Variants in VPS13D observed in about 807,000 individuals in gnomAD.
The protein encoded by VPS13D is vacuolar protein sorting 13 homolog D, also known as intermembrane lipid transfer protein VPS13D.
In VPS13D, 187 loss-of-function variants were observed where a neutral mutation model predicts 461.9. That is an observed-to-expected ratio of 0.40 (90% CI 0.36 to 0.46). The LOEUF is 0.46. Among genes scored for constraint, VPS13D ranks in the 20% least tolerant of loss-of-function variants. The pLI is 0.60. For missense variants in VPS13D, 4,711 were observed against 5,364.9 expected (o/e 0.88, Z 3.81); for synonymous variants, 1,951 against 1,986.3 (o/e 0.98, Z 0.47).
chr1:12,485,364 G>A (rs1645784037), intron 67 of VPS13D, among the ~76,000 whole-genome samples: 1 of 152,332 alleles, frequency 6.6e-6, no homozygotes, highest in African/African-American at 2.4e-5. Flanking sequence ...CTGCACGGTG[G>A]TCTTGGCATC....
At chr1:12,467,320 C>A (rs539394346) in intron 67 of VPS13D, among the ~76,000 whole-genome samples, 18 of 152,260 alleles carry the variant, frequency 1.2e-4, no homozygotes, top group African/African-American at 4.3e-4. Flanking sequence ...GGCAGGCGCA[C>A]GCCACCTCGC....
Position 12,266,952 on chromosome 1 carries a change from T to C in VPS13D, c.1666T>C (p.Phe556Leu), listed in dbSNP as rs1373086419. 2.5e-6 allele frequency: 4 copies of C among 1,611,196 alleles called. No individual in the cohort carries two copies. Among genetic ancestry groups the C allele is most frequent in the Non-Finnish European group, 3.4e-6 (4 of 1,179,228 alleles). The change falls in exon 14 of 70, where the codon TTT (phenylalanine) becomes CTT (leucine). Residue 556 changes from phenylalanine to leucine, a missense_variant. By Grantham distance (22) the Phe-to-Leu change is conservative (BLOSUM62 0). Transcript: ENST00000620676. ...GCTTTCAGTCCGGTTGGGTGGACTG[T>C]TTCTTCGAGACCTGGCTACAGAAGG... ...SLLSVRLGGL[F>L]LRDLATEGTM...
chr1:12,305,294 A>G (rs1461035669), intron 26 of VPS13D, among the ~76,000 whole-genome samples: 3 of 151,888 alleles, frequency 2.0e-5, no homozygotes, highest in Non-Finnish European at 4.4e-5. Flanking sequence ...TTTCCCCTCA[A>G]GACAGGGTCT....
Position 12,510,961 on chromosome 1 carries a change from A to G in VPS13D, c.*1937A>G, listed in dbSNP as rs1646174846. On this transcript the variant is annotated 3_prime_UTR_variant, in exon 70 of 70. Transcript: ENST00000620676. ...CTCGGAAGGGTTGATTGTATGCGTC[A>G]GTGAGCCTTCTATCACCTTCTGGAA... The G allele has an allele frequency of 6.6e-6, 1 of 152,232 alleles. No individual in the cohort carries two copies. Among genetic ancestry groups the G allele is most frequent in the Non-Finnish European group, 1.5e-5 (1 of 68,052 alleles). 9.4% of individuals were successfully genotyped at this position (152,232 alleles called of 1,614,324 possible).
At chr1:12,290,722 A>T (rs1370992502) in intron 22 of VPS13D, among the ~76,000 whole-genome samples, 1 of 129,476 alleles carries the variant, frequency 7.7e-6, no homozygotes, top group Non-Finnish European at 1.6e-5. Context: ...GACTCTGTCT[A>T]AAAAAAAAAA....
intron 35 of VPS13D, 148 bp downstream of exon 35, chr1:12,323,928 A>T (rs932535904): frequency 1.4e-5 from 11 of 773,478 alleles, no homozygotes; most frequent in South Asian, 1.7e-5. Flanking sequence ...ATATCATCTT[A>T]GGTCAGTAAT....
intron 10 of VPS13D, among the ~76,000 whole-genome samples, chr1:12,259,122 C>T (rs376608520): frequency 6.6e-6 from 1 of 151,390 alleles, no homozygotes; most frequent in Admixed American, 6.6e-5. Flanking sequence ...GTCACTGCAA[C>T]CTCCGTCACC....
intron 17 of VPS13D, among the ~76,000 whole-genome samples, chr1:12,272,469 A>G (rs1183610699): frequency 6.6e-6 from 1 of 151,694 alleles, no homozygotes. Flanking sequence ...CTTGTAAACA[A>G]AAGAGGTTTC....
chr1:12,240,358 G>A (rs1306092585), intron 2 of VPS13D, among the ~76,000 whole-genome samples: 1 of 152,020 alleles, frequency 6.6e-6, no homozygotes, highest in Non-Finnish European at 1.5e-5. Flanking sequence ...ACTTTGGGAG[G>A]CCAAGGTGGG....
At chr1:12,284,011 C>T (rs1165399111) in intron 21 of VPS13D, among the ~76,000 whole-genome samples, 1 of 152,112 alleles carries the variant, frequency 6.6e-6, no homozygotes, top group Non-Finnish European at 1.5e-5. Flanking sequence ...TTCTCTGAAC[C>T]GTAGTTTCCT....
rs1641617478 is a variant in VPS13D at position 12,276,563 on chromosome 1, A to G, written c.2975A>G (p.Tyr992Cys). 6 of 1,614,198 alleles carry G rather than the reference A, an allele frequency of 3.7e-6. No homozygotes were observed. The highest frequency in any genetic ancestry group is 1.1e-5 in the South Asian group (1 of 91,082). The stretch of plus-strand genomic sequence containing the variant: ...AATGCTCACTTTGTGAAGAGGCCTT[A>G]TGATGCTGAAGTCTCCCTAACTGTT... ...GTNAHFVKRP[Y>C]DAEVSLTVHG... The change falls in exon 19 of 70, where the codon TAT becomes TGT. Residue 992 changes from tyrosine (Y) to cysteine (C), a missense_variant. Physicochemically the swap from Tyr to Cys is radical, Grantham distance 194 (BLOSUM62 -2). This residue lies in a region of VPS13D where 4,411 missense variants were observed against 4,937.8 expected (regional missense o/e 0.89). Coordinates refer to ENST00000620676, the MANE Select transcript of VPS13D (RefSeq NM_015378.4). The surrounding 1 kb of genome is among the most constrained non-coding windows in gnomAD (Gnocchi z 4.5).
At chr1:12,249,148 G>C in intron 5 of VPS13D, 75 bp from the exon 6 acceptor site, 1 of 1,251,178 alleles carries the variant, frequency 8.0e-7, no homozygotes, top group Non-Finnish European at 1.1e-6. Flanking sequence ...TTATCTAAAT[G>C]CTTTTTCTTT....
intron 20 of VPS13D, among the ~76,000 whole-genome samples, chr1:12,280,752 G>A (rs1355808827): frequency 2.0e-5 from 3 of 152,072 alleles, no homozygotes; most frequent in Admixed American, 1.3e-4. Context: ...GCCCCCGAAA[G>A]TGCTGGGATT....
At chr1:12,451,736 G>A (rs1471179397) in intron 65 of VPS13D, among the ~76,000 whole-genome samples, 3 of 152,214 alleles carry the variant, frequency 2.0e-5, no homozygotes, top group Non-Finnish European at 4.4e-5. Flanking sequence ...CCGCTTTGCT[G>A]GGGGGATATG....
Position 12,502,975 on chromosome 1 carries a change from C to A in VPS13D, c.12795-3878C>A, listed in dbSNP as rs546094174. Among the ~76,000 whole-genome samples, 8 of 152,244 alleles carry A rather than the reference C, an allele frequency of 5.3e-5. No individual in the cohort carries two copies. In the South Asian group the frequency reaches 1.7e-3, roughly 32 times the overall value. On this transcript the variant is annotated intron_variant, in intron 68 of 69. Transcript: ENST00000620676. The surrounding 1 kb of genome is among the most constrained non-coding windows in gnomAD (Gnocchi z 4.3). ...CACATCAGGATGGGGAAGCTCTGGG[C>A]AAAGTGAGAGGCGGAGACGACTGGC...
At chr1:12,248,996 C>A (rs896119580) in intron 5 of VPS13D, among the ~76,000 whole-genome samples, 1 of 151,988 alleles carries the variant, frequency 6.6e-6, no homozygotes, top group Non-Finnish European at 1.5e-5. Context: ...CATAACATAA[C>A]AAGAGAGTTA....
At chr1:12,470,011 G>A (rs531440449) in intron 67 of VPS13D, among the ~76,000 whole-genome samples, 72 of 152,338 alleles carry the variant, frequency 4.7e-4, no homozygotes, top group Non-Finnish European at 8.2e-4. Context: ...TAAACCCACA[G>A]TATTTGGATA....
intron 65 of VPS13D, among the ~76,000 whole-genome samples, chr1:12,438,405 C>T (rs1349859982): frequency 2.0e-5 from 3 of 152,176 alleles, no homozygotes; most frequent in African/African-American, 7.2e-5. Context: ...TGATCTTGGA[C>T]TTCCCATCCT....
At position 12,283,678 on chromosome 1, in the gene VPS13D, C is replaced by A; in HGVS notation, c.5576C>A (p.Pro1859Gln). The A allele has an allele frequency of 6.2e-7, 1 of 1,614,182 alleles. No homozygotes were observed. The highest frequency in any genetic ancestry group is 8.5e-7 in the Non-Finnish European group (1 of 1,180,028). Residue 1859 changes from proline to glutamine, a missense_variant, in exon 21 of 70, where the codon CCA becomes CAA. By Grantham distance (76) the Pro-to-Gln change is moderately conservative. Transcript: ENST00000620676. Reference sequence around the variant, plus strand: ...ATTCTGCACAACGTGAAGTTGGAGCCACATGCCTCCATGGAGTCTGGACTT... The same window carrying A: ...ATTCTGCACAACGTGAAGTTGGAGCAACATGCCTCCATGGAGTCTGGACTT... The part of the protein sequence containing the change: ...EGILHNVKLE[P>Q]HASMESGLQD...
Sources: gnomAD v4.1 joint callset for allele counts (sites outside exome capture counted in the v4.1 genomes callset) on GRCh38, gnomAD v4.1.1 for gene constraint, gnomAD v4.1.1 regional missense constraint, Gnocchi (gnomAD v3.1) non-coding constraint, MANE v1.5 for transcripts, NCBI Gene and HGNC (gene_info 2026-07-23, HGNC 2026-07-21) for gene names.